The following KLRG1 variants were observed in gnomAD, a reference collection of about 807,000 sequenced individuals.
KLRG1 encodes killer cell lectin-like receptor subfamily G member 1.
In KLRG1, 16 loss-of-function variants were observed where a neutral mutation model predicts 21.8. The observed-to-expected ratio is 0.73, with a 90% CI of 0.50 to 1.11. The LOEUF (loss-of-function observed/expected upper bound fraction) is 1.11, where lower values mean the gene tolerates loss of function less well. KLRG1 is among the 50% of genes most tolerant of loss of function. KLRG1 has a pLI of 0.00. For synonymous variants in KLRG1, 69 were observed against 75.9 expected, an observed-to-expected ratio of 0.91 and a Z score of 0.47; for missense variants, 173 against 218.3, an observed-to-expected ratio of 0.79 and a Z score of 1.31.
chr12:9,028,831 C>T, the KLRG1 span: 1 of 637,608 alleles, frequency 1.6e-6, no homozygotes, highest in Non-Finnish European at 3.0e-6. Flanking sequence ...AGAAAGCTCT[C>T]TTTGGTTCCA....
At chr12:8,952,301 A>G (rs2137189574) in intron 1 of KLRG1, among the ~76,000 whole-genome samples, 1 of 152,286 alleles carries the variant, frequency 6.6e-6, no homozygotes, top group Middle Eastern at 3.4e-3. Context: ...TAACAGTCCT[A>G]GAACCTCAGC....
chr12:9,074,459 C>T, the KLRG1 span: 52 of 1,157,204 alleles, frequency 4.5e-5, no homozygotes, highest in Non-Finnish European at 5.6e-5. Flanking sequence ...TTTCAAGTTA[C>T]TGTCATCTGT....
the KLRG1 span, among the ~76,000 whole-genome samples, chr12:9,040,842 G>A: frequency 1.3e-5 from 2 of 152,110 alleles, no homozygotes; most frequent in Non-Finnish European, 2.9e-5. Context: ...CTTATTAAAC[G>A]GTTCATTGAT....
At chr12:8,971,636 G>T (rs767845938) in intron 1 of KLRG1, among the ~76,000 whole-genome samples, 8 of 147,366 alleles carry the variant, frequency 5.4e-5, no homozygotes, top group Admixed American at 2.7e-4. Flanking sequence ...GATTACAGGC[G>T]TGTGCTACCA....
At chr12:9,142,882 T>C in the KLRG1 span, among the ~76,000 whole-genome samples, 1 of 152,224 alleles carries the variant, frequency 6.6e-6, no homozygotes, top group Admixed American at 6.5e-5. Context: ...TTGTGGCAAC[T>C]TTTCTGTTTT....
the KLRG1 span, among the ~76,000 whole-genome samples, chr12:9,050,143 G>T: frequency 2.0e-5 from 3 of 152,190 alleles, no homozygotes; most frequent in South Asian, 6.2e-4. Flanking sequence ...CTTTCAGTTG[G>T]TCTAAAACGT....
the KLRG1 span, among the ~76,000 whole-genome samples, chr12:9,100,277 T>C: frequency 6.6e-6 from 1 of 152,192 alleles, no homozygotes; most frequent in Non-Finnish European, 1.5e-5. Flanking sequence ...ATATACAACA[T>C]ACCTTGAAAT....
chr12:9,111,928 T>C, the KLRG1 span: 1 of 670,090 alleles, frequency 1.5e-6, no homozygotes, highest in Non-Finnish European at 2.8e-6. Context: ...ATCCGAAAAG[T>C]AAATTTAATT....
At chr12:9,190,799 AT>A in the KLRG1 span, among the ~76,000 whole-genome samples, 15 of 152,298 alleles carry the variant, frequency 9.8e-5, no homozygotes, top group Non-Finnish European at 1.6e-4. Context: ...GGTAATAATA[AT>A]TTGGACAGTA....
chr12:9,071,286 CAAT>C, the KLRG1 span, among the ~76,000 whole-genome samples: 3 of 151,866 alleles, frequency 2.0e-5, no homozygotes, highest in Non-Finnish European at 4.4e-5. Flanking sequence ...ACAAAAACAA[CAAT>C]AATTTATAAT....
chr12:8,965,254 G>A (rs972285336), intron 1 of KLRG1, among the ~76,000 whole-genome samples: 1 of 152,158 alleles, frequency 6.6e-6, no homozygotes, highest in African/African-American at 2.4e-5. Context: ...AAAACTGGAA[G>A]CATTCCCTTT....
chr12:9,043,499 A>G, the KLRG1 span, among the ~76,000 whole-genome samples: 4 of 152,338 alleles, frequency 2.6e-5, no homozygotes, highest in African/African-American at 9.6e-5. Flanking sequence ...TAGGTGATGA[A>G]ATCTTAGACT....
intron 1 of KLRG1, among the ~76,000 whole-genome samples, chr12:8,968,383 G>A (rs1288999163): frequency 6.6e-6 from 1 of 152,152 alleles, no homozygotes; most frequent in Non-Finnish European, 1.5e-5. Context: ...AATTTTATAA[G>A]GGATAAGGGG....
At chr12:9,056,394 AG>A in the KLRG1 span, among the ~76,000 whole-genome samples, 56 of 152,266 alleles carry the variant, frequency 3.7e-4, no homozygotes, top group Non-Finnish European at 6.8e-4. Context: ...GCAAAGTACT[AG>A]GGGGGATCAC....
At chr12:9,036,097 A>G in the KLRG1 span, among the ~76,000 whole-genome samples, 4 of 152,200 alleles carry the variant, frequency 2.6e-5, no homozygotes, top group East Asian at 1.9e-4. Context: ...GTGACATGCA[A>G]TTTACCCATG....
chr12:9,115,930 C>G, the KLRG1 span: 2 of 1,163,498 alleles, frequency 1.7e-6, no homozygotes, highest in Admixed American at 1.7e-5. Context: ...AAACACTTCC[C>G]AAAGCAACTG....
the KLRG1 span, chr12:9,068,617 T>C: frequency 6.2e-6 from 5 of 808,986 alleles, no homozygotes; most frequent in Admixed American, 6.6e-5. Flanking sequence ...TCAGACTTGA[T>C]GGAGACAAAA....
intron 1 of KLRG1, among the ~76,000 whole-genome samples, chr12:8,961,528 T>C (rs754397490): frequency 6.6e-6 from 1 of 152,230 alleles, no homozygotes; most frequent in African/African-American, 2.4e-5. Flanking sequence ...TTCTCCTGCC[T>C]CAGCCTCCTG....
At chr12:9,038,859 C>T in the KLRG1 span, among the ~76,000 whole-genome samples, 3 of 147,584 alleles carry the variant, frequency 2.0e-5, no homozygotes, top group South Asian at 2.1e-4. Flanking sequence ...GAGCAGAGAT[C>T]GTGGGCTGCA....
Sources: gnomAD v4.1 joint callset for allele counts (sites outside exome capture counted in the v4.1 genomes callset) on GRCh38, gnomAD v4.1.1 for gene constraint, MANE v1.5 for transcripts, NCBI Gene and HGNC (gene_info 2026-07-23, HGNC 2026-07-21) for gene names.